The following CD109 variants were observed in gnomAD, a reference collection of about 807,000 sequenced individuals.
The protein encoded by CD109 is CD109 antigen.
CD109 carries 149 observed loss-of-function variants against 165.8 expected under a neutral mutation model. The ratio of observed to expected loss-of-function variants is 0.90; its 90% CI spans 0.79 to 1.03. CD109 has a LOEUF of 1.03. Ranked by LOEUF, CD109 falls within the 50% of genes least tolerant of loss-of-function variation. The probability of loss-of-function intolerance (pLI) is 0.00; values close to 1 mark genes in which losing one functional copy is unlikely to be tolerated. For missense variants in CD109, 1,712 were observed against 1,677.8 expected (o/e 1.02, Z -0.36); for synonymous variants, 585 against 592.1 (o/e 0.99, Z 0.18).
chr6:73,679,921 G>C, the CD109 span, among the ~76,000 whole-genome samples: 105 of 152,244 alleles, frequency 6.9e-4, no homozygotes, highest in African/African-American at 2.4e-3. Flanking sequence ...AGGCGTGTGT[G>C]ACTACACCCG....
At chr6:73,756,727 C>T (rs1314955163) in intron 6 of CD109, 45 bp downstream of exon 6, 2 of 1,337,894 alleles carry the variant, frequency 1.5e-6, no homozygotes, top group Non-Finnish European at 2.0e-6. Flanking sequence ...ACATTTGTTA[C>T]TTTCAGCAGA....
At chr6:73,734,660 G>A (rs951251783) in intron 4 of CD109, among the ~76,000 whole-genome samples, 3 of 152,072 alleles carry the variant, frequency 2.0e-5, no homozygotes, top group African/African-American at 7.2e-5. Flanking sequence ...TTTCACAATT[G>A]GTTTCTGGCT....
chr6:73,709,072 C>G (rs1189152261), intron 2 of CD109, among the ~76,000 whole-genome samples: 12 of 152,118 alleles, frequency 7.9e-5, no homozygotes, highest in South Asian at 2.1e-4. Flanking sequence ...TGAAGTCCTT[C>G]CCCATGCCTG....
chr6:73,808,293 T>C, intron 26 of CD109, 45 bp downstream of exon 26: 1 of 1,560,784 alleles, frequency 6.4e-7, no homozygotes, highest in East Asian at 2.3e-5. Context: ...TTATGAAATA[T>C]ATAACTTACA....
Position 73,758,928 on chromosome 6 carries a change from T to G in CD109, c.674-16T>G. On this transcript the variant is annotated splice_polypyrimidine_tract_variant and intron_variant, in intron 6 of 32. Transcript: ENST00000287097. ...TCAAAAAGAAAAAAAGATTTACCCT[T>G]GCTTTTCTTTTCCAGTATTACCAAA... is the stretch of plus-strand genomic sequence containing the variant. 2.1e-6 allele frequency: 3 copies of G among 1,431,570 alleles called. No individual in the cohort carries two copies. The highest frequency in any genetic ancestry group is 2.3e-5 in the South Asian group (2 of 85,802). The allele number at this position is 1,431,570 out of a possible 1,614,324, so 88.7% of individuals were successfully genotyped here.
intron 23 of CD109, among the ~76,000 whole-genome samples, chr6:73,798,012 C>T (rs372759219): frequency 2.0e-5 from 3 of 151,984 alleles, no homozygotes; most frequent in South Asian, 2.1e-4. Context: ...TTGCTTTTCT[C>T]GTCTGTTGTG....
chr6:73,683,124 T>C, the CD109 span, among the ~76,000 whole-genome samples: 2 of 152,236 alleles, frequency 1.3e-5, no homozygotes, highest in African/African-American at 2.4e-5. Flanking sequence ...TGGTTTGAAT[T>C]TCTCCTCAGA....
intron 23 of CD109, among the ~76,000 whole-genome samples, chr6:73,794,351 A>T (rs6907989): frequency 0.54 from 82,037 of 151,958 alleles, 22,639 homozygotes; most frequent in African/African-American, 0.65. Flanking sequence ...ATGGGATATG[A>T]TGGAAAGGAC....
chr6:73,691,267 T>C (rs1356908396), upstream of CD109, among the ~76,000 whole-genome samples: 4 of 152,230 alleles, frequency 2.6e-5, no homozygotes, highest in Non-Finnish European at 5.9e-5. Flanking sequence ...GTCCATCTGA[T>C]TGGGGCCTGG....
chr6:73,756,762 T>C, intron 6 of CD109, 80 bp downstream of exon 6: 1 of 999,120 alleles, frequency 1.0e-6, no homozygotes, highest in African/African-American at 1.7e-5. Flanking sequence ...TTAAGAGATG[T>C]ATTATTTGAA....
chr6:73,772,744 A>G (rs115090088), intron 15 of CD109, among the ~76,000 whole-genome samples: 1,872 of 152,114 alleles, frequency 0.012, 38 homozygotes, highest in African/African-American at 0.042. Context: ...ATTTTTGTCT[A>G]TTAATGGATT....
chr6:73,714,893 C>G (rs192431583), intron 2 of CD109, among the ~76,000 whole-genome samples: 107 of 152,274 alleles, frequency 7.0e-4, no homozygotes, highest in Non-Finnish European at 1.4e-3. Flanking sequence ...GTGGTGATAG[C>G]AACATATACA....
intron 27 of CD109, among the ~76,000 whole-genome samples, chr6:73,810,376 A>T (rs1775710270): frequency 6.6e-6 from 1 of 151,008 alleles, no homozygotes; most frequent in Non-Finnish European, 1.5e-5. Context: ...AACTTAAGCA[A>T]AAGGCTAAAT....
intron 15 of CD109, among the ~76,000 whole-genome samples, chr6:73,772,321 T>C (rs2150236780): frequency 6.6e-6 from 1 of 152,004 alleles, no homozygotes; most frequent in Non-Finnish European, 1.5e-5. Context: ...TTGGCTAACA[T>C]GGTGAAACCC....
Position 73,827,134 on chromosome 6 carries a change from T to C in CD109, c.*3501T>C, listed in dbSNP as rs1284233036. 6.6e-6 allele frequency: 1 copy of C among 152,236 alleles called. No individual in the cohort carries two copies. The highest frequency in any genetic ancestry group is 1.5e-5 in the Non-Finnish European group (1 of 68,048). 9.4% of individuals were successfully genotyped at this position (152,236 alleles called of 1,614,324 possible). A position where few individuals can be genotyped will look rare whatever the true frequency, so the allele number is the denominator to read the frequency against. ...TTTTCTGATTTGCTTTATTGAATGATTGAATACTCATTTCTTTCTAAAAAT... is the reference window on the plus strand; with the variant it reads ...TTTTCTGATTTGCTTTATTGAATGACTGAATACTCATTTCTTTCTAAAAAT... On this transcript the variant is annotated 3_prime_UTR_variant, in exon 33 of 33. Transcript: ENST00000287097.
At chr6:73,791,984 C>A (rs1260816281) in intron 22 of CD109, among the ~76,000 whole-genome samples, 1 of 152,062 alleles carries the variant, frequency 6.6e-6, no homozygotes, top group East Asian at 1.9e-4. Context: ...TAGAACTCAG[C>A]CTTCATATTT....
rs760270113 is a variant in CD109 at position 73,766,070 on chromosome 6, G to A, written c.1248G>A (p.Gln416=). ...GAAATCAGAAAATGGAAGCTGTTCA[G>A]AAAATAAATTATACTGTCCCCCAAA... ...NSGNQKMEAV[Q]KINYTVPQSG... The change falls in exon 11 of 33, where the codon CAG becomes CAA. Residue 416 remains glutamine (Q), a synonymous_variant. Transcript: ENST00000287097. The A allele has an allele frequency of 6.2e-7, 1 of 1,613,908 alleles. No individual in the cohort carries two copies.
intron 23 of CD109, among the ~76,000 whole-genome samples, chr6:73,801,244 C>T (rs113196784): frequency 7.2e-5 from 11 of 152,138 alleles, no homozygotes; most frequent in South Asian, 2.1e-4. Context: ...TATCTGTATC[C>T]GCTGAGTTTC....
intron 14 of CD109, 134 bp downstream of exon 14, chr6:73,768,365 G>A (rs1773925515): frequency 1.7e-6 from 1 of 602,728 alleles, no homozygotes; most frequent in African/African-American, 1.9e-5. Context: ...TAGAACTATG[G>A]TTAAACTTTT....
Sources: allele counts gnomAD v4.1 joint callset (sites outside exome capture counted in the v4.1 genomes callset), GRCh38; gene constraint gnomAD v4.1.1; transcripts MANE v1.5; gene names NCBI Gene and HGNC (gene_info 2026-07-23, HGNC 2026-07-21).